DCC: variants seen among roughly 807,000 people sequenced by gnomAD.
DCC encodes netrin receptor DCC.
Under a neutral mutation model 172.5 loss-of-function variants are expected in DCC, and 58 were observed. That is an observed-to-expected ratio of 0.34 (90% CI 0.27 to 0.42). The LOEUF is 0.42. Ranked by LOEUF, DCC falls within the 10% of genes least tolerant of loss-of-function variation. The pLI is 1.00. For synonymous variants in DCC, 709 were observed against 644.5 expected (o/e 1.10, Z -1.52); for missense variants, 1,740 against 1,791.0 (o/e 0.97, Z 0.51).
At chr18:53,306,268 TA>T (rs2057199423) in intron 13 of DCC, among the ~76,000 whole-genome samples, 2 of 152,320 alleles carry the variant, frequency 1.3e-5, no homozygotes, top group South Asian at 4.1e-4. Context: ...GTAAAGAATA[TA>T]TTTTTTTAAA....
intron 2 of DCC, among the ~76,000 whole-genome samples, chr18:52,875,912 G>A (rs907423365): frequency 5.9e-5 from 9 of 152,144 alleles, no homozygotes; most frequent in African/African-American, 2.2e-4. Context: ...TCGGGCACCT[G>A]CCCAAGGATG....
At chr18:52,551,999 G>A (rs146340483) in intron 1 of DCC, among the ~76,000 whole-genome samples, 141 of 152,124 alleles carry the variant, frequency 9.3e-4, no homozygotes, top group African/African-American at 3.1e-3. Flanking sequence ...AGAAACAGAA[G>A]GTAGTAATGA....
At chr18:52,922,587 G>C (rs1032792516) in intron 3 of DCC, among the ~76,000 whole-genome samples, 1 of 152,156 alleles carries the variant, frequency 6.6e-6, no homozygotes, top group Admixed American at 6.5e-5. Context: ...CCCACTGAAT[G>C]AATTTGGTTG....
At chr18:52,509,129 A>G (rs1358513052) in intron 1 of DCC, among the ~76,000 whole-genome samples, 1 of 152,242 alleles carries the variant, frequency 6.6e-6, no homozygotes, top group African/African-American at 2.4e-5. Context: ...ATCTAGAAAT[A>G]GATAAAATAT....
At chr18:53,314,759 A>G (rs765163130) in intron 13 of DCC, among the ~76,000 whole-genome samples, 3 of 152,190 alleles carry the variant, frequency 2.0e-5, no homozygotes, top group Non-Finnish European at 1.5e-5. Context: ...CTTCAAAGAC[A>G]TTTGGCAGGA....
At chr18:52,546,457 C>T (rs1008044052) in intron 1 of DCC, among the ~76,000 whole-genome samples, 11 of 152,058 alleles carry the variant, frequency 7.2e-5, no homozygotes, top group Non-Finnish European at 4.4e-5. Context: ...ATTTTTCTTC[C>T]TCTCTCAGAC....
chr18:53,108,527 A>G (rs1367500835), intron 7 of DCC, among the ~76,000 whole-genome samples: 1 of 151,794 alleles, frequency 6.6e-6, no homozygotes, highest in East Asian at 1.9e-4. Flanking sequence ...ATATATTACA[A>G]ATTTTGCGTA....
At chr18:53,470,746 G>A (rs2045685661) in intron 25 of DCC, among the ~76,000 whole-genome samples, 1 of 152,044 alleles carries the variant, frequency 6.6e-6, no homozygotes, top group Non-Finnish European at 1.5e-5. Context: ...AAAAAACGAA[G>A]GGGGAAGAGC....
intron 1 of DCC, among the ~76,000 whole-genome samples, chr18:52,717,955 AC>A (rs1317034597): frequency 6.6e-6 from 1 of 151,672 alleles, no homozygotes. Context: ...ACACAAAAGA[AC>A]AAAAAACCAA....
At chr18:53,427,288 T>G (rs968203524) in intron 21 of DCC, among the ~76,000 whole-genome samples, 1 of 152,108 alleles carries the variant, frequency 6.6e-6, no homozygotes, top group African/African-American at 2.4e-5. Flanking sequence ...CTAGGATGAC[T>G]GTTACTTCAG....
chr18:52,492,101 C>A (rs959419925), intron 1 of DCC, among the ~76,000 whole-genome samples: 1 of 151,848 alleles, frequency 6.6e-6, no homozygotes, highest in Non-Finnish European at 1.5e-5. Flanking sequence ...AGTAATTTCA[C>A]AAATGAGAGG....
Position 53,151,446 on chromosome 18 carries a change from G to A in DCC, c.1262-5910G>A, listed in dbSNP as rs376807130. 7.2e-5 allele frequency among the ~76,000 whole-genome samples: 11 copies of A among 152,176 alleles called. No homozygotes were observed. The South Asian group carries it at 1.7e-3, about 23-fold the overall frequency. On this transcript the variant is annotated intron_variant, in intron 7 of 28. Transcript: ENST00000442544. ...AAATAAATTATTATTAGCTTCATGCGTAACAGTAGGAACATGATAGATATT... is the reference window on the plus strand; with the variant it reads ...AAATAAATTATTATTAGCTTCATGCATAACAGTAGGAACATGATAGATATT...
chr18:52,376,979 T>A (rs1985376364), intron 1 of DCC, among the ~76,000 whole-genome samples: 1 of 152,194 alleles, frequency 6.6e-6, no homozygotes, highest in Admixed American at 6.5e-5. Flanking sequence ...AGCGGCTACA[T>A]CTGATGCCTA....
chr18:52,925,295 G>C lies in DCC; in HGVS notation c.910G>C (p.Asp304His), dbSNP rs2040184209. The stretch of plus-strand genomic sequence containing the variant: ...GCTTATCTCCAATGTGACAGATGAT[G>C]ACAGTGGAATGTATACCTGTGTTGT... ...NLLISNVTDD[D>H]SGMYTCVVTY... Residue 304 changes from aspartate to histidine, a missense_variant, in exon 5 of 29, where the codon GAC becomes CAC. This residue lies in a region of DCC where 1,732 missense variants were observed against 1,767.4 expected (regional missense o/e 0.98). Coordinates refer to ENST00000442544, the MANE Select transcript of DCC (RefSeq NM_005215.4). The C allele has an allele frequency of 6.2e-7, 1 of 1,612,146 alleles. No individual in the cohort carries two copies. The highest frequency in any genetic ancestry group is 1.3e-5 in the African/African-American group (1 of 74,838).
intron 9 of DCC, among the ~76,000 whole-genome samples, chr18:53,195,705 G>T (rs1033503225): frequency 6.6e-6 from 1 of 151,972 alleles, no homozygotes; most frequent in Non-Finnish European, 1.5e-5. Flanking sequence ...CTGTCTCGTC[G>T]GATTCATCCT....
chr18:53,307,897 GTATA>G (rs771876514), intron 13 of DCC, among the ~76,000 whole-genome samples: 1,545 of 67,184 alleles, frequency 0.023, 99 homozygotes, highest in South Asian at 0.03. Context: ...GTGTGTGTAT[GTATA>G]TATATATATA....
intron 5 of DCC, among the ~76,000 whole-genome samples, chr18:52,928,228 C>A (rs8097335): frequency 8.3e-4 from 126 of 152,044 alleles, no homozygotes; most frequent in African/African-American, 2.9e-3. Flanking sequence ...CACAAAGATG[C>A]AAAGTGTGTC....
chr18:53,501,985 C>G (rs961226856), intron 27 of DCC, among the ~76,000 whole-genome samples: 1 of 152,166 alleles, frequency 6.6e-6, no homozygotes, highest in African/African-American at 2.4e-5. Flanking sequence ...GAAGTAGAAT[C>G]AGTTGTGCTG....
Position 52,887,777 on chromosome 18 carries a change from A to G in DCC, c.413-18267A>G, listed in dbSNP as rs1358358264. The stretch of plus-strand genomic sequence containing the variant: ...ATAGCTTATCCAACTTTTAATAGTA[A>G]TTATTAATGTCATGATTTTTTAAAT... On this transcript the variant is annotated intron_variant, in intron 2 of 28. Transcript: ENST00000442544. Among the ~76,000 whole-genome samples the G allele has an allele frequency of 2.0e-5, 3 of 152,270 alleles. No homozygotes were observed. In the East Asian group the frequency reaches 5.8e-4, roughly 29 times the overall value.
Sources: gnomAD v4.1 joint callset for allele counts (sites outside exome capture counted in the v4.1 genomes callset) on GRCh38, gnomAD v4.1.1 for gene constraint, gnomAD v4.1.1 regional missense constraint, MANE v1.5 for transcripts, NCBI Gene and HGNC (gene_info 2026-07-23, HGNC 2026-07-21) for gene names.